RANBP2: variants seen among roughly 807,000 people sequenced by gnomAD.
The protein encoded by RANBP2 is RAN binding protein 2.
In RANBP2, 57 loss-of-function variants were observed where a neutral mutation model predicts 303.6. The ratio of observed to expected loss-of-function variants is 0.19; its 90% CI spans 0.15 to 0.23. RANBP2 has a LOEUF of 0.23. Ranked by LOEUF, RANBP2 falls within the 10% of genes least tolerant of loss-of-function variation. The probability of loss-of-function intolerance (pLI) is 1.00; values close to 1 mark genes in which losing one functional copy is unlikely to be tolerated. For missense variants in RANBP2, 3,138 were observed against 3,780.8 expected, an observed-to-expected ratio of 0.83 and a Z score of 4.46; for synonymous variants, 1,167 against 1,301.5, an observed-to-expected ratio of 0.90 and a Z score of 2.23.
chr2:109,032,471 C>T, the RANBP2 span, among the ~76,000 whole-genome samples: 1 of 152,306 alleles, frequency 6.6e-6, no homozygotes, highest in East Asian at 1.9e-4. Context: ...GGGGTGACAT[C>T]GGTCGAATGT....
chr2:109,410,733 TA>T, the RANBP2 span, among the ~76,000 whole-genome samples: 1 of 152,238 alleles, frequency 6.6e-6, no homozygotes, highest in Non-Finnish European at 1.5e-5. Flanking sequence ...TGGAGCCTTT[TA>T]AAAAGACCGT....
At chr2:108,848,776 A>G in the RANBP2 span, among the ~76,000 whole-genome samples, 2 of 152,218 alleles carry the variant, frequency 1.3e-5, no homozygotes, top group Non-Finnish European at 2.9e-5. Context: ...GTAATAATTT[A>G]TTTAATAAAT....
the RANBP2 span, among the ~76,000 whole-genome samples, chr2:109,587,867 C>G: frequency 1.3e-5 from 2 of 151,170 alleles, no homozygotes; most frequent in African/African-American, 2.4e-5. Context: ...GAGCTGAGAT[C>G]GCACCACTGC....
the RANBP2 span, among the ~76,000 whole-genome samples, chr2:109,257,345 T>G: frequency 6.9e-6 from 1 of 145,918 alleles, no homozygotes; most frequent in African/African-American, 2.6e-5. Context: ...AAGAAAGGAA[T>G]TGAGGAGGGA....
At chr2:109,394,134 G>A in the RANBP2 span, among the ~76,000 whole-genome samples, 1 of 152,208 alleles carries the variant, frequency 6.6e-6, no homozygotes, top group Non-Finnish European at 1.5e-5. Context: ...TTTAAAGGAT[G>A]GATGGAAGAA....
chr2:108,777,160 G>A lies in RANBP2; in HGVS notation c.8528G>A (p.Gly2843Glu), dbSNP rs1677946679. The A allele has an allele frequency of 6.2e-7, 1 of 1,613,486 alleles. No homozygotes were observed. The highest frequency in any genetic ancestry group is 8.5e-7 in the Non-Finnish European group (1 of 1,179,582). The change falls in exon 25 of 29, where the codon GGA (glycine) becomes GAA (glutamate). Residue 2843 changes from glycine (G) to glutamate (E), a missense_variant. Gly to Glu is a moderately conservative substitution (Grantham distance 98, BLOSUM62 -2). Coordinates refer to ENST00000283195, the MANE Select transcript of RANBP2 (RefSeq NM_006267.5). ...GESKIVSFGF[G>E]SSTGLSFADL... is the part of the protein sequence containing the mutation. ...AGCAAGATAGTTTCATTTGGATTTG[G>A]AAGTAGCACAGGGCTCTCATTTGCA...
At chr2:109,394,973 C>T in the RANBP2 span, among the ~76,000 whole-genome samples, 1 of 152,234 alleles carries the variant, frequency 6.6e-6, no homozygotes, top group Non-Finnish European at 1.5e-5. Flanking sequence ...CGTGGGCCCA[C>T]AAGGATGTGT....
chr2:109,206,605 C>G, the RANBP2 span, among the ~76,000 whole-genome samples: 194 of 149,550 alleles, frequency 1.3e-3, 6 homozygotes, highest in Admixed American at 0.013. Flanking sequence ...GGCTGGAGTT[C>G]AAGACCAGCC....
chr2:109,054,595 G>A, the RANBP2 span, among the ~76,000 whole-genome samples: 1 of 151,816 alleles, frequency 6.6e-6, no homozygotes, highest in African/African-American at 2.4e-5. Flanking sequence ...AGCTCCTTGG[G>A]AGGCTGAGGC....
chr2:109,598,507 C>T, the RANBP2 span, among the ~76,000 whole-genome samples: 8 of 152,092 alleles, frequency 5.3e-5, 1 homozygote, highest in African/African-American at 1.7e-4. Context: ...ATAATGTGAG[C>T]GAGAGCGAGA....
chr2:109,389,282 G>T, the RANBP2 span, among the ~76,000 whole-genome samples: 1 of 152,194 alleles, frequency 6.6e-6, no homozygotes, highest in African/African-American at 2.4e-5. Flanking sequence ...TGTGCATCAG[G>T]TTCACACCCT....
At chr2:109,646,201 A>C in the RANBP2 span, among the ~76,000 whole-genome samples, 22 of 152,118 alleles carry the variant, frequency 1.4e-4, no homozygotes, top group African/African-American at 5.3e-4. Context: ...GGCAAGACCT[A>C]CTTCACCCAG....
chr2:109,221,193 C>T, the RANBP2 span, among the ~76,000 whole-genome samples: 1 of 152,196 alleles, frequency 6.6e-6, no homozygotes, highest in African/African-American at 2.4e-5. Flanking sequence ...AATAAAAAGT[C>T]AGTCTTCCAC....
the RANBP2 span, chr2:109,545,514 A>C: frequency 6.5e-7 from 1 of 1,536,126 alleles, no homozygotes; most frequent in South Asian, 1.2e-5. Context: ...ACATCAATGC[A>C]CAGGAGTTCG....
At chr2:109,173,976 C>G in the RANBP2 span, among the ~76,000 whole-genome samples, 1 of 152,254 alleles carries the variant, frequency 6.6e-6, no homozygotes, top group African/African-American at 2.4e-5. Context: ...GCACTGAGTC[C>G]TGAGACTGGC....
the RANBP2 span, among the ~76,000 whole-genome samples, chr2:109,451,762 A>G: frequency 2.0e-5 from 3 of 152,246 alleles, no homozygotes; most frequent in Admixed American, 1.3e-4. Flanking sequence ...GGCGACATGC[A>G]GGGACGCCCT....
chr2:109,712,060 C>A, the RANBP2 span, among the ~76,000 whole-genome samples: 1 of 152,190 alleles, frequency 6.6e-6, no homozygotes, highest in Non-Finnish European at 1.5e-5. Context: ...TTTTGCAACA[C>A]CACGCTCCAT....
At chr2:109,323,536 A>C in the RANBP2 span, among the ~76,000 whole-genome samples, 1 of 152,226 alleles carries the variant, frequency 6.6e-6, no homozygotes, top group African/African-American at 2.4e-5. Flanking sequence ...TATTGTAGGT[A>C]GTGGTAGATG....
the RANBP2 span, among the ~76,000 whole-genome samples, chr2:109,378,768 C>A: frequency 6.6e-6 from 1 of 152,186 alleles, no homozygotes; most frequent in African/African-American, 2.4e-5. Flanking sequence ...TATGAGGCTT[C>A]CACTCTGGAA....
Sources: gnomAD v4.1 joint callset for allele counts (sites outside exome capture counted in the v4.1 genomes callset) on GRCh38, gnomAD v4.1.1 for gene constraint, MANE v1.5 for transcripts, NCBI Gene and HGNC (gene_info 2026-07-23, HGNC 2026-07-21) for gene names.